GABRB1: variants seen among roughly 807,000 people sequenced by gnomAD.
The protein encoded by GABRB1 is gamma-aminobutyric acid receptor subunit beta-1.
In GABRB1, 17 loss-of-function variants were observed where a neutral mutation model predicts 51.6. That is an observed-to-expected ratio of 0.33 (90% CI 0.23 to 0.49). The LOEUF is 0.49. GABRB1 is among the 20% of genes least tolerant of loss of function. The probability of loss-of-function intolerance (pLI) is 0.99; values close to 1 mark genes in which losing one functional copy is unlikely to be tolerated. For missense variants in GABRB1, 410 were observed against 600.6 expected (o/e 0.68, Z 3.32); for synonymous variants, 247 against 218.9 (o/e 1.13, Z -1.14).
chr4:47,125,597 CCAGGCTGGAGTG>C (rs1042901019), intron 3 of GABRB1, among the ~76,000 whole-genome samples: 2 of 66,146 alleles, frequency 3.0e-5, no homozygotes, highest in African/African-American at 8.1e-5. Context: ...GCTCTGTCGC[CCAGGCTGGAGTG>C]CAGTGGCGGG....
chr4:47,195,812 A>G (rs1218503355), intron 4 of GABRB1, among the ~76,000 whole-genome samples: 1 of 152,172 alleles, frequency 6.6e-6, no homozygotes, highest in Non-Finnish European at 1.5e-5. Context: ...TGATTTTTCT[A>G]CTTTATTGTT....
At chr4:47,393,882 A>G (rs1728091772) in intron 5 of GABRB1, among the ~76,000 whole-genome samples, 1 of 152,244 alleles carries the variant, frequency 6.6e-6, no homozygotes, top group African/African-American at 2.4e-5. Context: ...TGTTTGATGC[A>G]TAGCAGGCAC....
At chr4:47,216,718 G>T (rs1720568859) in intron 4 of GABRB1, among the ~76,000 whole-genome samples, 1 of 151,790 alleles carries the variant, frequency 6.6e-6, no homozygotes, top group East Asian at 1.9e-4. Flanking sequence ...ACAAACTTAA[G>T]AATAAAGTTT....
chr4:47,042,525 C>T lies in GABRB1; in HGVS notation c.240+10041C>T, dbSNP rs550867281. Among the ~76,000 whole-genome samples the T allele has an allele frequency of 2.7e-3, 408 of 148,504 alleles. 2 individuals are homozygous for T. The highest frequency in any genetic ancestry group is 0.011 in the Middle Eastern group (3 of 280). ...AGTCTGCTTTAAAAAATAATCACTA[C>T]TTTTCATTTTCCAAATATCATCTTA... On this transcript the variant is annotated intron_variant, in intron 3 of 8. Transcript: ENST00000295454.
intron 5 of GABRB1, among the ~76,000 whole-genome samples, chr4:47,338,001 C>T (rs1310694479): frequency 1.3e-5 from 2 of 152,090 alleles, no homozygotes; most frequent in South Asian, 2.1e-4. Flanking sequence ...CTTTCTGTAA[C>T]AGTTGTGAAT....
intron 3 of GABRB1, among the ~76,000 whole-genome samples, chr4:47,108,064 C>A (rs1034187199): frequency 7.2e-5 from 11 of 152,020 alleles, no homozygotes; most frequent in African/African-American, 2.4e-4. Flanking sequence ...AATGAACCAA[C>A]CTTGAATCCA....
intron 4 of GABRB1, among the ~76,000 whole-genome samples, chr4:47,311,092 GA>G (rs1229512007): frequency 6.0e-5 from 8 of 132,614 alleles, no homozygotes; most frequent in Non-Finnish European, 1.1e-4. Context: ...AACATGAAAA[GA>G]AAAAAAGATG....
At chr4:47,194,366 T>A (rs958946863) in intron 4 of GABRB1, among the ~76,000 whole-genome samples, 1 of 152,342 alleles carries the variant, frequency 6.6e-6, no homozygotes, top group East Asian at 1.9e-4. Context: ...CTATTTAGAA[T>A]GAATAGTTGT....
intron 5 of GABRB1, among the ~76,000 whole-genome samples, chr4:47,348,531 T>C (rs1220319894): frequency 1.3e-5 from 2 of 152,186 alleles, no homozygotes. Context: ...TGTTTAGGCT[T>C]GGGTTCCCTC....
chr4:47,322,703 G>A (rs771536129), intron 5 of GABRB1, among the ~76,000 whole-genome samples: 15 of 152,104 alleles, frequency 9.9e-5, no homozygotes, highest in Non-Finnish European at 1.5e-5. Context: ...TGTCACGGCG[G>A]CTCACACCTG....
intron 4 of GABRB1, among the ~76,000 whole-genome samples, chr4:47,211,071 A>C (rs896685841): frequency 3.9e-5 from 6 of 152,198 alleles, no homozygotes; most frequent in Non-Finnish European, 7.3e-5. Flanking sequence ...AGCATTGATT[A>C]ACCAGCTGAC....
chr4:47,222,878 C>A (rs1485655957), intron 4 of GABRB1, among the ~76,000 whole-genome samples: 1 of 152,162 alleles, frequency 6.6e-6, no homozygotes, highest in African/African-American at 2.4e-5. Flanking sequence ...TCTTTGCAAG[C>A]AAACATTCTT....
chr4:47,163,910 A>T (rs1718064782), intron 4 of GABRB1, among the ~76,000 whole-genome samples: 1 of 152,036 alleles, frequency 6.6e-6, no homozygotes, highest in Non-Finnish European at 1.5e-5. Context: ...AAGACTAGGT[A>T]ATTTACAAAC....
chr4:47,335,499 A>G (rs1725665325), intron 5 of GABRB1, among the ~76,000 whole-genome samples: 1 of 152,074 alleles, frequency 6.6e-6, no homozygotes, highest in South Asian at 2.1e-4. Context: ...CTGTTCATCT[A>G]GTTGCATAAT....
chr4:47,073,053 C>T (rs376868434), intron 3 of GABRB1, among the ~76,000 whole-genome samples: 4 of 152,146 alleles, frequency 2.6e-5, no homozygotes, highest in African/African-American at 9.7e-5. Context: ...AACACAAATA[C>T]TTACAGTTAA....
intron 5 of GABRB1, among the ~76,000 whole-genome samples, chr4:47,337,917 G>A (rs1161769363): frequency 6.6e-6 from 1 of 152,034 alleles, no homozygotes; most frequent in Admixed American, 6.6e-5. Flanking sequence ...TCAATAAATG[G>A]GGGTAACAAC....
At chr4:47,312,809 C>T (rs187173390) in intron 4 of GABRB1, among the ~76,000 whole-genome samples, 10 of 152,200 alleles carry the variant, frequency 6.6e-5, no homozygotes, top group African/African-American at 2.2e-4. Context: ...GTTCACATTG[C>T]TATTTGCAAA....
chr4:47,042,413 AG>A (rs1560507985), intron 3 of GABRB1, among the ~76,000 whole-genome samples: 221 of 43,108 alleles, frequency 5.1e-3, no homozygotes, highest in South Asian at 6.7e-3. Context: ...GTATGTGTAC[AG>A]TATATATATA....
intron 4 of GABRB1, among the ~76,000 whole-genome samples, chr4:47,170,402 C>G (rs564418414): frequency 2.1e-5 from 3 of 146,330 alleles, no homozygotes; most frequent in South Asian, 2.1e-4. Context: ...CACACACACA[C>G]GCACACACAC....
Sources: allele counts gnomAD v4.1 joint callset (sites outside exome capture counted in the v4.1 genomes callset), GRCh38; gene constraint gnomAD v4.1.1; transcripts MANE v1.5; gene names NCBI Gene and HGNC (gene_info 2026-07-23, HGNC 2026-07-21).